The following TBC1D4 variants were observed in gnomAD, a reference collection of about 807,000 sequenced individuals.
TBC1D4 encodes the protein TBC1 domain family member 4.
TBC1D4 carries 121 observed loss-of-function variants against 142.5 expected under a neutral mutation model. The observed-to-expected ratio is 0.85, with a 90% CI of 0.73 to 0.99. The LOEUF (loss-of-function observed/expected upper bound fraction) is 0.99. TBC1D4 is among the 50% of genes least tolerant of loss of function. The pLI is 0.00. For missense variants in TBC1D4, 1,475 were observed against 1,606.6 expected (o/e 0.92, Z 1.40); for synonymous variants, 630 against 628.2 (o/e 1.00, Z -0.04).
intron 1 of TBC1D4, among the ~76,000 whole-genome samples, chr13:75,373,475 C>CCTA (rs1883325929): frequency 6.6e-6 from 1 of 152,166 alleles, no homozygotes; most frequent in Non-Finnish European, 1.5e-5. Context: ...GAAGGAAAGG[C>CCTA]AATAGCAAGC....
intron 11 of TBC1D4, among the ~76,000 whole-genome samples, chr13:75,322,755 C>T (rs886525523): frequency 6.6e-6 from 1 of 151,992 alleles, no homozygotes; most frequent in Non-Finnish European, 1.5e-5. Context: ...ATCAGTAGGC[C>T]GTATTATAGA....
chr13:75,476,744 A>G (rs760131391), intron 1 of TBC1D4, among the ~76,000 whole-genome samples: 1 of 152,224 alleles, frequency 6.6e-6, no homozygotes, highest in Non-Finnish European at 1.5e-5. Context: ...CAGCCAACCA[A>G]ATGAACCAAA....
chr13:75,424,296 G>C (rs1266487880), intron 1 of TBC1D4, among the ~76,000 whole-genome samples: 2 of 15,744 alleles, frequency 1.3e-4, no homozygotes, highest in African/African-American at 4.3e-4. Flanking sequence ...AAGAAAGAAA[G>C]AAAAGAAAAA....
intron 5 of TBC1D4, among the ~76,000 whole-genome samples, chr13:75,345,327 C>T (rs1881060268): frequency 6.6e-6 from 1 of 152,132 alleles, no homozygotes; most frequent in African/African-American, 2.4e-5. Flanking sequence ...TACCTTTGTT[C>T]TTACTATTAA....
intron 8 of TBC1D4, among the ~76,000 whole-genome samples, chr13:75,330,083 G>A (rs1879626184): frequency 6.6e-6 from 1 of 152,130 alleles, no homozygotes. Flanking sequence ...TTCCTTGCAG[G>A]CATTTTTTCT....
chr13:75,302,119 C>CAACG, intron 16 of TBC1D4, 124 bp downstream of exon 16: 1 of 1,204,270 alleles, frequency 8.3e-7, no homozygotes, highest in Non-Finnish European at 1.2e-6. Flanking sequence ...AGGACAAAGT[C>CAACG]AACGGCTCTG....
intron 1 of TBC1D4, among the ~76,000 whole-genome samples, chr13:75,411,434 G>T (rs990844444): frequency 6.6e-6 from 1 of 152,114 alleles, no homozygotes; most frequent in African/African-American, 2.4e-5. Flanking sequence ...AGGGCCATTT[G>T]GTTAAAGTGT....
At chr13:75,319,447 C>T (rs1250823201) in intron 12 of TBC1D4, among the ~76,000 whole-genome samples, 4 of 152,190 alleles carry the variant, frequency 2.6e-5, no homozygotes, top group African/African-American at 7.2e-5. Flanking sequence ...GATGTCAACA[C>T]AGATGTGGTC....
At chr13:75,465,916 A>C (rs1888147667) in intron 1 of TBC1D4, among the ~76,000 whole-genome samples, 3 of 152,158 alleles carry the variant, frequency 2.0e-5, no homozygotes, top group Admixed American at 6.6e-5. Context: ...CCAAGCAGAA[A>C]ATCTTTTAAT....
At chr13:75,415,062 T>G (rs921863213) in intron 1 of TBC1D4, among the ~76,000 whole-genome samples, 4 of 150,234 alleles carry the variant, frequency 2.7e-5, no homozygotes, top group Non-Finnish European at 5.9e-5. Flanking sequence ...AGGTGGAGGT[T>G]TCGGTGAGCC....
At chr13:75,316,454 C>T (rs945862425) in intron 12 of TBC1D4, 2 of 152,200 alleles carry the variant, frequency 1.3e-5, no homozygotes, top group African/African-American at 4.8e-5. Flanking sequence ...TAATAATATA[C>T]TGAAAAGAAG....
chr13:75,391,257 T>C (rs1884473001), intron 1 of TBC1D4, among the ~76,000 whole-genome samples: 1 of 151,918 alleles, frequency 6.6e-6, no homozygotes, highest in Non-Finnish European at 1.5e-5. Context: ...AAGAATTCTT[T>C]TGACCCCACT....
At chr13:75,410,008 T>C (rs1455669841) in intron 1 of TBC1D4, among the ~76,000 whole-genome samples, 1 of 152,324 alleles carries the variant, frequency 6.6e-6, no homozygotes, top group African/African-American at 2.4e-5. Flanking sequence ...ACCAAATTTG[T>C]TTATCTTAAC....
intron 1 of TBC1D4, among the ~76,000 whole-genome samples, chr13:75,467,781 T>C (rs1434906566): frequency 5.3e-5 from 8 of 152,234 alleles, no homozygotes; most frequent in Non-Finnish European, 1.2e-4. Flanking sequence ...TCAGTGGCCA[T>C]GAAAAGTATA....
chr13:75,468,217 T>G (rs1435211840), intron 1 of TBC1D4, among the ~76,000 whole-genome samples: 1 of 152,144 alleles, frequency 6.6e-6, no homozygotes, highest in Non-Finnish European at 1.5e-5. Context: ...GAGCTTCAAT[T>G]TCTTGGGTCT....
chr13:75,306,268 G>A (rs1355388076), intron 15 of TBC1D4, 45 bp downstream of exon 15: 3 of 1,522,390 alleles, frequency 2.0e-6, no homozygotes, highest in Admixed American at 2.0e-5. Context: ...AAATCCCCCA[G>A]GCTTTTCTTT....
At chr13:75,409,892 T>C (rs1885539007) in intron 1 of TBC1D4, among the ~76,000 whole-genome samples, 1 of 152,320 alleles carries the variant, frequency 6.6e-6, no homozygotes, top group South Asian at 2.1e-4. Context: ...TGCTATATCA[T>C]CTCTGGAGGA....
chr13:75,447,340 T>C (rs1305890018), intron 1 of TBC1D4, among the ~76,000 whole-genome samples: 2 of 152,194 alleles, frequency 1.3e-5, no homozygotes, highest in South Asian at 2.1e-4. Context: ...CCAGTTTCAT[T>C]ACATACTTGT....
At position 75,347,114 on chromosome 13, in the gene TBC1D4, C is replaced by A. The variant is rs1038521193; in HGVS notation, c.1408+2056G>T. ...TTAATGAGTTTATATTAACTGTCCCCCCAAAATGGCTGTAGCAATCTACAC... is the reference window on the plus strand; with the variant it reads ...TTAATGAGTTTATATTAACTGTCCCACCAAAATGGCTGTAGCAATCTACAC... On this transcript the variant is annotated intron_variant, in intron 5 of 20. Coordinates refer to ENST00000377636, the MANE Select transcript of TBC1D4 (RefSeq NM_014832.5). 2.0e-5 allele frequency among the ~76,000 whole-genome samples: 3 copies of A among 151,258 alleles called. No individual in the cohort carries two copies. In the South Asian group the frequency reaches 6.3e-4, roughly 32 times the overall value.
Sources: allele counts gnomAD v4.1 joint callset (sites outside exome capture counted in the v4.1 genomes callset), GRCh38; gene constraint gnomAD v4.1.1; transcripts MANE v1.5; gene names NCBI Gene and HGNC (gene_info 2026-07-23, HGNC 2026-07-21).